Variants in OR2I1 observed in about 807,000 individuals in gnomAD.
OR2I1 encodes putative olfactory receptor 2I1.
At chr6:29,557,370 CT>C in the OR2I1 span, 7 of 152,164 alleles carry the variant, frequency 4.6e-5, no homozygotes, top group Admixed American at 6.5e-5. Context: ...TAATTTTCTC[CT>C]GATAAGAGAC....
the OR2I1 span, chr6:29,556,053 A>T: frequency 6.2e-7 from 1 of 1,613,036 alleles, no homozygotes; most frequent in Non-Finnish European, 8.5e-7. Context: ...ACTGAGCTGG[A>T]CCTTCGCACC....
the OR2I1 span, chr6:29,556,200 G>A: frequency 4.5e-5 from 73 of 1,612,924 alleles, no homozygotes; most frequent in Admixed American, 1.8e-4. Context: ...AGGCTTCTCC[G>A]TGGCTTTAAG....
the OR2I1 span, among the ~76,000 whole-genome samples, chr6:29,551,756 A>C: frequency 1.3e-5 from 2 of 152,232 alleles, no homozygotes; most frequent in African/African-American, 4.8e-5. Flanking sequence ...AGGCAGAGAG[A>C]GGCTAAGTAA....
chr6:29,551,051 A>T, the OR2I1 span, among the ~76,000 whole-genome samples: 1 of 152,208 alleles, frequency 6.6e-6, no homozygotes, highest in Non-Finnish European at 1.5e-5. Context: ...ATTTGTGCAT[A>T]CATGTAACAA....
chr6:29,553,937 C>G, the OR2I1 span: 7 of 398,698 alleles, frequency 1.8e-5, no homozygotes, highest in Non-Finnish European at 2.7e-5. Context: ...GCGGTGGGCA[C>G]GTGTGGGTCC....
chr6:29,557,374 T>A, the OR2I1 span: 8 of 152,208 alleles, frequency 5.3e-5, no homozygotes, highest in Non-Finnish European at 2.9e-5. Flanking sequence ...TTTCTCCTGA[T>A]AAGAGACCAC....
the OR2I1 span, chr6:29,557,550 A>G: frequency 6.6e-6 from 1 of 152,204 alleles, no homozygotes; most frequent in Non-Finnish European, 1.5e-5. Context: ...CTTATTCAAT[A>G]TGCATGCATT....
chr6:29,553,272 C>T, the OR2I1 span: 3 of 398,844 alleles, frequency 7.5e-6, no homozygotes, highest in Non-Finnish European at 1.3e-5. Flanking sequence ...GTTTCTCCGA[C>T]TGGCCTTCCC....
chr6:29,552,293 G>A, the OR2I1 span, among the ~76,000 whole-genome samples: 1 of 152,196 alleles, frequency 6.6e-6, no homozygotes, highest in Non-Finnish European at 1.5e-5. Flanking sequence ...GAGACAGAGG[G>A]AAATGAAGAT....
At chr6:29,555,800 A>G in the OR2I1 span, 1 of 1,178,938 alleles carries the variant, frequency 8.5e-7, no homozygotes, top group African/African-American at 1.5e-5. Context: ...TTGGGAAATC[A>G]TCAGAAGATG....
the OR2I1 span, chr6:29,552,922 G>A: frequency 1.7e-5 from 4 of 242,364 alleles, no homozygotes; most frequent in Non-Finnish European, 3.1e-5. Context: ...TTCTGGCCTC[G>A]TCTCCATTTT....
the OR2I1 span, chr6:29,556,604 C>A: frequency 2.0e-6 from 1 of 506,292 alleles, no homozygotes; most frequent in Non-Finnish European, 3.5e-6. Context: ...AAATCCTGAG[C>A]CCCCAACCAA....
At chr6:29,553,909 A>G in the OR2I1 span, 2 of 398,608 alleles carry the variant, frequency 5.0e-6, no homozygotes, top group Non-Finnish European at 8.8e-6. Flanking sequence ...CATGCGGTTC[A>G]GCGGAGGCCG....
chr6:29,555,208 A>G, the OR2I1 span: 3 of 152,242 alleles, frequency 2.0e-5, no homozygotes, highest in African/African-American at 4.8e-5. Flanking sequence ...TTCCTTGCCC[A>G]CCATCATCCC....
the OR2I1 span, chr6:29,556,215 T>C: frequency 1.9e-6 from 3 of 1,612,994 alleles, no homozygotes; most frequent in South Asian, 3.3e-5. Context: ...TTTAAGATCT[T>C]GGAGCCCAGC....
At chr6:29,556,155 G>A in the OR2I1 span, 1 of 1,613,062 alleles carries the variant, frequency 6.2e-7, no homozygotes, top group South Asian at 1.1e-5. Context: ...AGGGTAAGGT[G>A]GATGGTCTTC....
chr6:29,556,670 C>T, the OR2I1 span: 8 of 330,818 alleles, frequency 2.4e-5, no homozygotes, highest in Non-Finnish European at 4.4e-5. Flanking sequence ...AAAACTTAGT[C>T]ATTGGGCCAA....
the OR2I1 span, chr6:29,550,547 G>T: frequency 6.6e-6 from 1 of 152,164 alleles, no homozygotes; most frequent in African/African-American, 2.4e-5. Flanking sequence ...CCATTACAAG[G>T]TTCTCCAGGA....
chr6:29,557,027 C>T, the OR2I1 span: 1 of 152,164 alleles, frequency 6.6e-6, no homozygotes, highest in Non-Finnish European at 1.5e-5. Context: ...TGTATCTTCT[C>T]CCTTTTGCAG....
Sources: gnomAD v4.1 joint callset for allele counts (sites outside exome capture counted in the v4.1 genomes callset) on GRCh38, gnomAD v4.1.1 for gene constraint, MANE v1.5 for transcripts, NCBI Gene and HGNC (gene_info 2026-07-23, HGNC 2026-07-21) for gene names.